Variants in RPS6KB2 observed in about 807,000 individuals in gnomAD.
RPS6KB2 encodes ribosomal protein S6 kinase beta-2.
In RPS6KB2, 51 loss-of-function variants were observed where a neutral mutation model predicts 58.2. That is an observed-to-expected ratio of 0.88 (90% confidence interval 0.70 to 1.11). The LOEUF (loss-of-function observed/expected upper bound fraction) is 1.11, where lower values mean the gene tolerates loss of function less well. Among genes scored for constraint, RPS6KB2 ranks in the 50% least tolerant of loss-of-function variants. RPS6KB2 has a pLI of 0.00. For synonymous variants in RPS6KB2, 293 were observed against 258.6 expected (o/e 1.13, Z -1.28); for missense variants, 671 against 655.8 (o/e 1.02, Z -0.25).
chr11:67,430,991 C>CA (rs1290644967), intron 4 of RPS6KB2: 1 of 164,746 alleles, frequency 6.1e-6, no homozygotes, highest in Admixed American at 6.2e-5. Context: ...CAGCAGTTAA[C>CA]AAACAGATGG....
rs778586758 is a variant in RPS6KB2, at chr11:67,434,636, T to C, written c.1210T>C (p.Phe404Leu). The C allele has an allele frequency of 2.5e-6, 4 of 1,610,552 alleles. No homozygotes were observed. The highest frequency in any genetic ancestry group is 2.5e-6 in the Non-Finnish European group (3 of 1,179,362). Residue 404 changes from phenylalanine (F) to leucine (L), a missense_variant, in exon 14 of 15, where the codon TTC becomes CTC. Transcript: ENST00000312629. ...VLDSIKEGFS[F>L]QPKLRSPRRL... is the part of the protein sequence containing the mutation. ...GGACAGCATCAAGGAGGGCTTCTCCTTCCAGCCCAAGCTGCGCTCACCCAG... is the reference window on the plus strand; with the variant it reads ...GGACAGCATCAAGGAGGGCTTCTCCCTCCAGCCCAAGCTGCGCTCACCCAG...
Position 67,431,416 on chromosome 11 carries a change from C to A in RPS6KB2, c.358C>A (p.Arg120=). 2 of 1,614,062 alleles carry A rather than the reference C, an allele frequency of 1.2e-6. No individual in the cohort carries two copies. Among genetic ancestry groups the A allele is most frequent in the Non-Finnish European group, 1.7e-6 (2 of 1,179,988 alleles). ...GGACACAGCACACACACGGGCTGAG[C>A]GGAACATTCTAGAGTCAGTGAAGCA... ...AKDTAHTRAE[R]NILESVKHPF... Residue 120 remains arginine, a synonymous_variant, in exon 5 of 15, where the codon CGG becomes AGG. Transcript: ENST00000312629.
rs373778588 is a variant in RPS6KB2 at position 67,428,665 on chromosome 11, C to A, written c.78+42C>A. 168 of 1,563,438 alleles carry A rather than the reference C, an allele frequency of 1.1e-4. 1 individual carries two copies. The highest frequency in any genetic ancestry group is 1.8e-5 in the Non-Finnish European group (21 of 1,150,156). On this transcript the variant is annotated intron_variant, in intron 1 of 14. Transcript: ENST00000312629. ...GGCGCGACTGGATCCTGGAGCCGAT[C>A]CTGTCACCCAGCCGAGGCCGGAGCG...
Position 67,435,144 on chromosome 11 carries a change from G to A in RPS6KB2, c.1424G>A (p.Arg475Lys). 1 of 1,593,740 alleles carries A rather than the reference G, an allele frequency of 6.3e-7. No individual in the cohort carries two copies. The highest frequency in any genetic ancestry group is 8.5e-7 in the Non-Finnish European group (1 of 1,174,278). The change falls in exon 15 of 15, where the codon AGG becomes AAG. Residue 475 changes from arginine to lysine, a missense_variant. Arg to Lys is a conservative substitution (Grantham distance 26). Transcript: ENST00000312629. The stretch of plus-strand genomic sequence containing the variant: ...CCCTCAGGGACCAAGAAGTCCAAGA[G>A]GGGCCGTGGGCGTCCAGGGCGCTAG... ...RPPSGTKKSK[R>K]GRGRPGR
rs1864090692 is a variant in RPS6KB2, at chr11:67,433,013, TCA to T, written c.682_683del (p.Thr228LeufsTer6). 1.2e-6 allele frequency: 2 copies of T among 1,613,302 alleles called. No homozygotes were observed. The highest frequency in any genetic ancestry group is 1.1e-5 in the South Asian group (1 of 91,090). ...KESIHEGAVT[H>X]TFCGTIEYMA... ...AGTCTATCCATGAGGGCGCCGTCAC[TCA>T]CACCTTCTGCGGCACCATTGAGTAC... is the stretch of plus-strand genomic sequence containing the variant. On this transcript the variant is annotated frameshift_variant, in exon 8 of 15. Coordinates refer to ENST00000312629, the MANE Select transcript of RPS6KB2 (RefSeq NM_003952.3). LOFTEE classifies it high-confidence loss of function.
rs747230226 is a variant in RPS6KB2 at position 67,431,465 on chromosome 11, A to G, written c.407A>G (p.Tyr136Cys). Residue 136 changes from tyrosine (Y) to cysteine (C), a missense_variant, in exon 5 of 15, where the codon TAT becomes TGT. Coordinates refer to ENST00000312629, the MANE Select transcript of RPS6KB2 (RefSeq NM_003952.3). ...CACCCCTTTATTGTGGAACTGGCCT[A>G]TGCCTTCCAGACTGGTGGCAAACTC... ...VKHPFIVELA[Y>C]AFQTGGKLYL... 39 of 1,613,972 alleles carry G rather than the reference A, an allele frequency of 2.4e-5. No individual in the cohort carries two copies. Among genetic ancestry groups the G allele is most frequent in the Admixed American group, 2.3e-4 (14 of 59,996 alleles).
intron 3 of RPS6KB2, 114 bp from the exon 4 acceptor site, chr11:67,429,413 C>A: frequency 7.3e-7 from 1 of 1,362,038 alleles, no homozygotes; most frequent in Non-Finnish European, 1.0e-6. Context: ...ATCTTCACTG[C>A]CCCACCCTTG....
chr11:67,435,076 A>ACCGCCG lies in RPS6KB2; in HGVS notation c.1362_1367dup (p.Pro455_Pro456dup). The ACCGCCG allele has an allele frequency of 6.2e-7, 1 of 1,610,906 alleles. No homozygotes were observed. Among genetic ancestry groups the ACCGCCG allele is most frequent in the African/African-American group, 1.3e-5 (1 of 74,912 alleles). ...AGCTACCTCTACCTCCACTCCTGCCACCGCCGCCGCCCTCGACCACCGCCC... is the reference window on the plus strand; with the variant it reads ...AGCTACCTCTACCTCCACTCCTGCCACCGCCGCCGCCGCCGCCCTCGACCACCGCCC... On this transcript the variant is annotated inframe_insertion, in exon 15 of 15. Coordinates refer to ENST00000312629, the MANE Select transcript of RPS6KB2 (RefSeq NM_003952.3).
Position 67,428,520 on chromosome 11 carries a change from G to C in RPS6KB2, c.-26G>C, listed in dbSNP as rs1863913302. ...GTCAGTGCGCGGCCAGGTACGGGCC[G>C]ACGGGCCCGCGGGGCCGGCGCCGCC... On this transcript the variant is annotated 5_prime_UTR_variant, in exon 1 of 15. Coordinates refer to ENST00000312629, the MANE Select transcript of RPS6KB2 (RefSeq NM_003952.3). The C allele has an allele frequency of 2.5e-6, 4 of 1,592,804 alleles. No individual in the cohort carries two copies. The highest frequency in any genetic ancestry group is 3.4e-6 in the Non-Finnish European group (4 of 1,168,948).
chr11:67,429,035 C>A lies in RPS6KB2; in HGVS notation c.119+13C>A. The A allele has an allele frequency of 6.3e-7, 1 of 1,594,912 alleles. No individual in the cohort carries two copies. Among genetic ancestry groups the A allele is most frequent in the Non-Finnish European group, 8.6e-7 (1 of 1,165,304 alleles). On this transcript the variant is annotated intron_variant, in intron 2 of 14. Transcript: ENST00000312629. ...CAGCTGGCCTAGAGTGAGTGAGGGT[C>A]GTGTTGGGGGAGGGGGGAATGGAGT...
chr11:67,433,005 G>C lies in RPS6KB2; in HGVS notation c.670G>C (p.Ala224Pro). 1 of 1,613,372 alleles carries C rather than the reference G, an allele frequency of 6.2e-7. No individual in the cohort carries two copies. The highest frequency in any genetic ancestry group is 2.2e-5 in the East Asian group (1 of 44,886). ...CTGCAAGGAGTCTATCCATGAGGGCGCCGTCACTCACACCTTCTGCGGCAC... is the reference window on the plus strand; with the variant it reads ...CTGCAAGGAGTCTATCCATGAGGGCCCCGTCACTCACACCTTCTGCGGCAC... The part of the protein sequence containing the change: ...GLCKESIHEG[A>P]VTHTFCGTIE... Residue 224 changes from alanine to proline, a missense_variant, in exon 8 of 15, where the codon GCC becomes CCC. Ala to Pro is a conservative substitution (Grantham distance 27, BLOSUM62 -1). Coordinates refer to ENST00000312629, the MANE Select transcript of RPS6KB2 (RefSeq NM_003952.3).
intron 4 of RPS6KB2, chr11:67,429,818 T>C: frequency 4.1e-6 from 2 of 491,036 alleles, no homozygotes; most frequent in Non-Finnish European, 7.3e-6. Context: ...CACTATTTTA[T>C]TTTATTTTTT....
chr11:67,429,451 G>T (rs1454167153), intron 3 of RPS6KB2, 76 bp from the exon 4 acceptor site: 1 of 1,483,600 alleles, frequency 6.7e-7, no homozygotes, highest in East Asian at 2.3e-5. Context: ...TGATCCCAAA[G>T]CCAGAGCTTC....
At position 67,434,287 on chromosome 11, in the gene RPS6KB2, G is replaced by T; in HGVS notation, c.1047+12G>T. ...TCAGGCCCTGTCTGGTGAGCAGCAG[G>T]GCTGGTGGCCAGTGGCCGGTGGCGG... On this transcript the variant is annotated intron_variant, in intron 12 of 14. Coordinates refer to ENST00000312629, the MANE Select transcript of RPS6KB2 (RefSeq NM_003952.3). 1 of 1,613,144 alleles carries T rather than the reference G, an allele frequency of 6.2e-7. No individual in the cohort carries two copies.
In RPS6KB2 at chr11:67,433,406, C is replaced by A. The variant is rs775346029; in HGVS notation, c.865C>A (p.Pro289Thr). The A allele has an allele frequency of 6.2e-7, 1 of 1,613,724 alleles. No individual in the cohort carries two copies. Among genetic ancestry groups the A allele is most frequent in the Non-Finnish European group, 8.5e-7 (1 of 1,179,758 alleles). ...DKIIRGKLAL[P>T]PYLTPDARDL... ...GATCATCAGGGGCAAGCTGGCACTG[C>A]CCCCCTACCTCACCCCAGATGCCCG... Residue 289 changes from proline (P) to threonine (T), a missense_variant, in exon 10 of 15, where the codon CCC (proline) becomes ACC (threonine). Physicochemically the swap from Pro to Thr is conservative, Grantham distance 38. Transcript: ENST00000312629.
In RPS6KB2 at chr11:67,432,810, C is replaced by A. The variant is rs1272248751; in HGVS notation, c.589C>A (p.Pro197Thr). 6.2e-7 allele frequency: 1 copy of A among 1,614,062 alleles called. No individual in the cohort carries two copies. The highest frequency in any genetic ancestry group is 8.5e-7 in the Non-Finnish European group (1 of 1,179,998). Residue 197 changes from proline (P) to threonine (T), a missense_variant, in exon 7 of 15, where the codon CCC becomes ACC. By Grantham distance (38) the Pro-to-Thr change is conservative (BLOSUM62 -1). Coordinates refer to ENST00000312629, the MANE Select transcript of RPS6KB2 (RefSeq NM_003952.3). ...GGGCATCATCTACCGGGACCTCAAG[C>A]CCGAGAACATCATGCTCAGCAGCCA... ...SQGIIYRDLK[P>T]ENIMLSSQGH...
chr11:67,432,977 A>C lies in RPS6KB2; in HGVS notation c.642A>C (p.Gly214=). Residue 214 remains glycine (G), a synonymous_variant, in exon 8 of 15, where the codon GGA becomes GGC. Coordinates refer to ENST00000312629, the MANE Select transcript of RPS6KB2 (RefSeq NM_003952.3). Reference sequence around the variant, plus strand: ...GCCACATCAAACTGACCGACTTTGGACTCTGCAAGGAGTCTATCCATGAGG... The same window carrying C: ...GCCACATCAAACTGACCGACTTTGGCCTCTGCAAGGAGTCTATCCATGAGG... ...SQGHIKLTDF[G]LCKESIHEGA... is the part of the protein sequence containing the mutation. 6.2e-7 allele frequency: 1 copy of C among 1,613,066 alleles called. No individual in the cohort carries two copies. The highest frequency in any genetic ancestry group is 8.5e-7 in the Non-Finnish European group (1 of 1,179,970).
rs372856100 is a variant in RPS6KB2 at position 67,434,304 on chromosome 11, C to G, written c.1047+29C>G. ...AGCAGCAGGGCTGGTGGCCAGTGGCCGGTGGCGGGTGGCAAGTGGAGAACC... is the reference window on the plus strand; with the variant it reads ...AGCAGCAGGGCTGGTGGCCAGTGGCGGGTGGCGGGTGGCAAGTGGAGAACC... On this transcript the variant is annotated intron_variant, in intron 12 of 14. Coordinates refer to ENST00000312629, the MANE Select transcript of RPS6KB2 (RefSeq NM_003952.3). 23 of 1,612,076 alleles carry G rather than the reference C, an allele frequency of 1.4e-5. No individual in the cohort carries two copies. In the African/African-American group the frequency reaches 2.9e-4, roughly 21 times the overall value.
Position 67,429,031 on chromosome 11 carries a change from G to C in RPS6KB2, c.119+9G>C, listed in dbSNP as rs1243517561. 4 of 1,613,908 alleles carry C rather than the reference G, an allele frequency of 2.5e-6. No individual in the cohort carries two copies. The African/African-American group carries it at 4.0e-5, about 16-fold the overall frequency. ...AGGGCAGCTGGCCTAGAGTGAGTGA[G>C]GGTCGTGTTGGGGGAGGGGGGAATG... is the stretch of plus-strand genomic sequence containing the variant. On this transcript the variant is annotated intron_variant, in intron 2 of 14. Transcript: ENST00000312629.
Sources: allele counts gnomAD v4.1 joint callset, GRCh38; gene constraint gnomAD v4.1.1; transcripts MANE v1.5; gene names NCBI Gene and HGNC (gene_info 2026-07-23, HGNC 2026-07-21).